Variants in MRRF observed in about 807,000 individuals in gnomAD.
The protein encoded by MRRF is ribosome-recycling factor, mitochondrial.
In MRRF, 18 loss-of-function variants were observed where a neutral mutation model predicts 25.1. The ratio of observed to expected loss-of-function variants is 0.72; its 90% CI spans 0.50 to 1.06. The LOEUF (loss-of-function observed/expected upper bound fraction) is 1.06, where lower values mean the gene tolerates loss of function less well. MRRF is among the 50% of genes least tolerant of loss of function. MRRF has a pLI of 0.00. For synonymous variants in MRRF, 113 were observed against 112.1 expected, an observed-to-expected ratio of 1.01 and a Z score of -0.05; for missense variants, 323 against 319.3, an observed-to-expected ratio of 1.01 and a Z score of -0.09.
At chr9:122,286,944 T>C (rs1833451837) in intron 4 of MRRF, among the ~76,000 whole-genome samples, 1 of 152,188 alleles carries the variant, frequency 6.6e-6, no homozygotes, top group African/African-American at 2.4e-5. Flanking sequence ...GTACAATGCT[T>C]TAGCCACATT....
Position 122,298,551 on chromosome 9 carries a change from A to G in MRRF, c.551+6711A>G, listed in dbSNP as rs189265467. Among the ~76,000 whole-genome samples the G allele has an allele frequency of 7.7e-4, 118 of 152,338 alleles. 1 individual carries two copies. Among genetic ancestry groups the G allele is most frequent in the African/African-American group, 2.1e-3 (89 of 41,576 alleles). ...CTGCCCCTTTGCATGTCGGTCTTCA[A>G]TCCTCTTCCTCTGGTCCCGGACAAC... On this transcript the variant is annotated intron_variant, in intron 5 of 6. Coordinates refer to ENST00000344641, the MANE Select transcript of MRRF (RefSeq NM_138777.5).
At chr9:122,280,301 T>A in intron 2 of MRRF, 142 bp from the exon 3 acceptor site, 2 of 878,810 alleles carry the variant, frequency 2.3e-6, no homozygotes, top group Non-Finnish European at 3.6e-6. Context: ...TAATATAGGC[T>A]CTTTTTTAGT....
intron 1 of MRRF, among the ~76,000 whole-genome samples, 196 bp downstream of exon 1, chr9:122,265,134 A>C (rs990151963): frequency 6.6e-6 from 1 of 151,966 alleles, no homozygotes; most frequent in Non-Finnish European, 1.5e-5. Context: ...GGCTCCTTTT[A>C]CCAGCTAGGA....
chr9:122,315,031 T>C (rs1166509484), intron 6 of MRRF, among the ~76,000 whole-genome samples: 8 of 152,098 alleles, frequency 5.3e-5, no homozygotes, highest in Admixed American at 5.2e-4. Flanking sequence ...CCACCAGCAG[T>C]TAAAATGCTA....
chr9:122,285,880 A>T, intron 4 of MRRF: 1 of 1,285,216 alleles, frequency 7.8e-7, no homozygotes, highest in South Asian at 1.3e-5. Context: ...CCCTCCAGGA[A>T]GTCCTTTTAT....
In MRRF at chr9:122,313,436, C is replaced by T. The variant is rs1303808060; in HGVS notation, c.711+50C>T. On this transcript the variant is annotated intron_variant, in intron 6 of 6. Transcript: ENST00000344641. ...TGTCTGTGTATTCAGCATAAGGAAT[C>T]ATTTGTTCATGTTTGAGGTGAGGAC... 6.3e-6 allele frequency: 10 copies of T among 1,590,178 alleles called. No homozygotes were observed. The Admixed American group carries it at 1.7e-4, about 27-fold the overall frequency.
chr9:122,289,251 G>T (rs139236387), intron 4 of MRRF, among the ~76,000 whole-genome samples: 18 of 152,324 alleles, frequency 1.2e-4, no homozygotes, highest in Non-Finnish European at 2.2e-4. Flanking sequence ...GGTAAAGGAA[G>T]TGAGTTTTTC....
chr9:122,271,197 C>G (rs1832437573), intron 2 of MRRF, 122 bp downstream of exon 2: 7 of 878,636 alleles, frequency 8.0e-6, no homozygotes, highest in Admixed American at 1.8e-5. Flanking sequence ...GAAATGGTGC[C>G]TCAGCTATTT....
chr9:122,301,505 T>C (rs1186368543), intron 5 of MRRF, among the ~76,000 whole-genome samples: 1 of 152,116 alleles, frequency 6.6e-6, no homozygotes, highest in African/African-American at 2.4e-5. Context: ...AAAAATGGGA[T>C]CATAGAATAT....
intron 5 of MRRF, among the ~76,000 whole-genome samples, chr9:122,307,226 AGGG>A (rs1194213084): frequency 2.0e-5 from 3 of 152,174 alleles, no homozygotes; most frequent in African/African-American, 7.2e-5. Context: ...ATGCTCCTGT[AGGG>A]GGGAGTCCCG....
At chr9:122,315,916 A>G (rs1835484517) in intron 6 of MRRF, among the ~76,000 whole-genome samples, 1 of 151,714 alleles carries the variant, frequency 6.6e-6, no homozygotes, top group Admixed American at 6.6e-5. Context: ...GGAAGCCTTC[A>G]CTCATTAGCA....
intron 5 of MRRF, among the ~76,000 whole-genome samples, chr9:122,311,308 C>G (rs1835192256): frequency 6.6e-6 from 1 of 152,184 alleles, no homozygotes; most frequent in African/African-American, 2.4e-5. Flanking sequence ...CCCCCTCAGC[C>G]CTCCCTGTGT....
At chr9:122,284,533 A>G (rs926359363) in intron 3 of MRRF, among the ~76,000 whole-genome samples, 3 of 152,350 alleles carry the variant, frequency 2.0e-5, no homozygotes. Context: ...CTGAGGTTTC[A>G]TAGCAAGTAA....
chr9:122,304,920 T>C (rs1201158186), intron 5 of MRRF, among the ~76,000 whole-genome samples: 1 of 152,026 alleles, frequency 6.6e-6, no homozygotes, highest in Admixed American at 6.5e-5. Context: ...GGCAGGTTAC[T>C]TGATCTGTCT....
chr9:122,285,824 C>G (rs1342810305), intron 4 of MRRF: 9 of 1,282,230 alleles, frequency 7.0e-6, no homozygotes, highest in Admixed American at 2.7e-5. Flanking sequence ...CAAATGTGGC[C>G]TGAGGGCCAC....
chr9:122,278,003 A>G lies in MRRF; in HGVS notation c.185-2440A>G, dbSNP rs147656817. ...GCATAAATGATTTAAGTTAGGGTAT[A>G]TGGGGTATCCAGCATCTCAAGCTTT... On this transcript the variant is annotated intron_variant, in intron 2 of 6. Coordinates refer to ENST00000344641, the MANE Select transcript of MRRF (RefSeq NM_138777.5). Among the ~76,000 whole-genome samples the G allele has an allele frequency of 3.2e-3, 488 of 152,116 alleles. 2 individuals are homozygous for G. Among genetic ancestry groups the G allele is most frequent in the Non-Finnish European group, 4.4e-3 (302 of 67,996 alleles).
intron 6 of MRRF, among the ~76,000 whole-genome samples, chr9:122,315,920 A>G (rs1835485057): frequency 6.6e-6 from 1 of 152,144 alleles, no homozygotes; most frequent in South Asian, 2.1e-4. Flanking sequence ...GCCTTCACTC[A>G]TTAGCACTGG....
At chr9:122,303,286 T>TTATATATATA (rs34107230) in intron 5 of MRRF, among the ~76,000 whole-genome samples, 7 of 148,412 alleles carry the variant, frequency 4.7e-5, no homozygotes, top group African/African-American at 1.7e-4. Flanking sequence ...AATAAATATA[T>TTATATATATA]TATATATATA....
chr9:122,301,361 C>T (rs1329045903), intron 5 of MRRF, among the ~76,000 whole-genome samples: 1 of 152,134 alleles, frequency 6.6e-6, no homozygotes, highest in Non-Finnish European at 1.5e-5. Context: ...AGCTGTGTAG[C>T]TAGGGAGAGC....
Sources: allele counts gnomAD v4.1 joint callset (sites outside exome capture counted in the v4.1 genomes callset), GRCh38; gene constraint gnomAD v4.1.1; transcripts MANE v1.5; gene names NCBI Gene and HGNC (gene_info 2026-07-23, HGNC 2026-07-21).